SORCS2: variants seen among roughly 807,000 people sequenced by gnomAD.
SORCS2 encodes sortilin related VPS10 domain containing receptor 2.
A neutral mutation model predicts 141.6 loss-of-function variants in SORCS2; 100 were observed. That is an observed-to-expected ratio of 0.71 (90% CI 0.60 to 0.83). SORCS2 has a LOEUF of 0.83. Among genes scored for constraint, SORCS2 ranks in the 40% least tolerant of loss-of-function variants. SORCS2 has a pLI of 0.00. For missense variants in SORCS2, 1,646 were observed against 1,560.2 expected (o/e 1.05, Z -0.93); for synonymous variants, 789 against 676.9 (o/e 1.17, Z -2.57).
chr4:7,317,609 A>G (rs1048122790), intron 1 of SORCS2, among the ~76,000 whole-genome samples: 2 of 152,220 alleles, frequency 1.3e-5, no homozygotes, highest in Non-Finnish European at 2.9e-5. Context: ...CCTCTGGCTC[A>G]GTCTGCCTTC....
intron 3 of SORCS2, among the ~76,000 whole-genome samples, chr4:7,544,175 C>T (rs1208075230): frequency 6.6e-6 from 1 of 152,128 alleles, no homozygotes; most frequent in Non-Finnish European, 1.5e-5. Flanking sequence ...CATCCACTCA[C>T]CCATCCTCCA....
rs900047946 is a variant in SORCS2, at chr4:7,501,339, T to G, written c.549-30191T>G. On this transcript the variant is annotated intron_variant, in intron 2 of 26. Transcript: ENST00000507866. ...AGCTTTTTATTGTTCTTTCTTGGAGTGAAAAACAGAAGCAGCACACATCCG... is the reference window on the plus strand; with the variant it reads ...AGCTTTTTATTGTTCTTTCTTGGAGGGAAAAACAGAAGCAGCACACATCCG... Among the ~76,000 whole-genome samples, 5 of 144,188 alleles carry G rather than the reference T, an allele frequency of 3.5e-5. No homozygotes were observed. The South Asian group carries it at 8.3e-4, about 24-fold the overall frequency. 94.6% of individuals were successfully genotyped at this position (144,188 alleles called of 152,430 possible).
At chr4:7,396,135 C>A in intron 1 of SORCS2, 153 bp from the exon 2 acceptor site, 1 of 633,378 alleles carries the variant, frequency 1.6e-6, no homozygotes, top group Non-Finnish European at 2.8e-6. Flanking sequence ...GTAGGGTGGC[C>A]CAGAGCCTCT....
At chr4:7,529,733 G>A (rs928949269) in intron 2 of SORCS2, among the ~76,000 whole-genome samples, 6 of 152,214 alleles carry the variant, frequency 3.9e-5, no homozygotes, top group Admixed American at 3.3e-4. Flanking sequence ...TGGGTCTCTG[G>A]ATCAGATCGA....
At chr4:7,550,476 CA>C (rs1440857200) in intron 3 of SORCS2, among the ~76,000 whole-genome samples, 1 of 152,222 alleles carries the variant, frequency 6.6e-6, no homozygotes, top group African/African-American at 2.4e-5. Context: ...TGGTGATCGG[CA>C]GACACCAACG....
intron 10 of SORCS2, among the ~76,000 whole-genome samples, chr4:7,686,833 CTGTT>C (rs1273983602): frequency 2.6e-5 from 4 of 152,236 alleles, no homozygotes; most frequent in Admixed American, 1.3e-4. Flanking sequence ...GGGGAGCCGT[CTGTT>C]TGGCCGTCAG....
chr4:7,195,422 G>C (rs532730737), intron 1 of SORCS2, among the ~76,000 whole-genome samples: 2 of 152,120 alleles, frequency 1.3e-5, no homozygotes, highest in African/African-American at 4.8e-5. Flanking sequence ...GTGGGTGTCC[G>C]TGGGGTCAGA....
intron 1 of SORCS2, among the ~76,000 whole-genome samples, chr4:7,330,059 G>A (rs1719551109): frequency 6.6e-6 from 1 of 151,748 alleles, no homozygotes; most frequent in Non-Finnish European, 1.5e-5. Context: ...GCCTCCCCCA[G>A]CTTCTTAGGG....
intron 3 of SORCS2, among the ~76,000 whole-genome samples, chr4:7,586,182 A>AT (rs999598925): frequency 6.6e-6 from 1 of 151,854 alleles, no homozygotes; most frequent in African/African-American, 2.4e-5. Context: ...CTTTAGGGCC[A>AT]TTTTTTCCCT....
At position 7,364,520 on chromosome 4, in the gene SORCS2, A is replaced by T. The variant is rs143875007; in HGVS notation, c.481-31768A>T. ...GGGCTTCAATGGGGTGTACTCCTGA[A>T]GGAGGCCTGTTTCTGGGCAGTCTCC... On this transcript the variant is annotated intron_variant, in intron 1 of 26. Transcript: ENST00000507866. 3.2e-4 allele frequency among the ~76,000 whole-genome samples: 48 copies of T among 152,280 alleles called. 1 individual carries two copies. The highest frequency in any genetic ancestry group is 1.1e-3 in the African/African-American group (47 of 41,574).
In SORCS2 at chr4:7,703,390, C is replaced by T; in HGVS notation, c.1760+19C>T. ...TCCTCAAGTAATGGCGTCTGCTAGC[C>T]CCGGGGCAGGGAGGGCAGGCTGGGG... is the stretch of plus-strand genomic sequence containing the variant. On this transcript the variant is annotated intron_variant, in intron 13 of 26. Transcript: ENST00000507866. The T allele has an allele frequency of 6.2e-7, 1 of 1,605,494 alleles. No individual in the cohort carries two copies. Among genetic ancestry groups the T allele is most frequent in the Non-Finnish European group, 8.5e-7 (1 of 1,175,414 alleles).
chr4:7,280,228 T>C (rs576968071), intron 1 of SORCS2, among the ~76,000 whole-genome samples: 41 of 151,926 alleles, frequency 2.7e-4, no homozygotes, highest in African/African-American at 9.9e-4. Context: ...AAACAGGGAC[T>C]CAACACCCAG....
At chr4:7,471,888 C>A (rs1345564283) in intron 2 of SORCS2, among the ~76,000 whole-genome samples, 1 of 152,240 alleles carries the variant, frequency 6.6e-6, no homozygotes, top group East Asian at 1.9e-4. Context: ...ACTGCACTGG[C>A]CTAGGTCCAA....
Position 7,729,582 on chromosome 4 carries a change from C to T in SORCS2, c.2983-5C>T, listed in dbSNP as rs753445747. 1.2e-5 allele frequency: 19 copies of T among 1,577,814 alleles called. No individual in the cohort carries two copies. The highest frequency in any genetic ancestry group is 1.2e-4 in the South Asian group (10 of 85,930). On this transcript the variant is annotated splice_polypyrimidine_tract_variant and splice_region_variant and intron_variant, in intron 22 of 26. Transcript: ENST00000507866. ...CGGACCAAAGTGGCTTAACTCTCCC[C>T]GCAGGAGACCAGCGTCCCTCAGGAG...
intron 1 of SORCS2, among the ~76,000 whole-genome samples, chr4:7,369,303 T>G (rs4689107): frequency 0.62 from 93,845 of 152,030 alleles, 30,518 homozygotes; most frequent in East Asian, 0.8. Flanking sequence ...AGAGCCAGAC[T>G]CTGTCTGAAA....
At chr4:7,275,740 G>GTC (rs59365014) in intron 1 of SORCS2, among the ~76,000 whole-genome samples, 15,413 of 152,140 alleles carry the variant, frequency 0.1, 1,108 homozygotes, top group Admixed American at 0.24. Context: ...TAAGTAAACA[G>GTC]TCTGAGTAAG....
In SORCS2 at chr4:7,626,060, T is replaced by C. The variant is rs140354914; in HGVS notation, c.649-12268T>C. On this transcript the variant is annotated intron_variant, in intron 3 of 26. Coordinates refer to ENST00000507866, the MANE Select transcript of SORCS2 (RefSeq NM_020777.3). ...GACTCAGAAGGCTGAGGCGGGAGGATGGCTTAAGTCCAGGAGGCAGAGGCT... is the reference window on the plus strand; with the variant it reads ...GACTCAGAAGGCTGAGGCGGGAGGACGGCTTAAGTCCAGGAGGCAGAGGCT... Among the ~76,000 whole-genome samples the C allele has an allele frequency of 3.3e-3, 498 of 152,202 alleles. 2 individuals carry two copies. The highest frequency in any genetic ancestry group is 0.011 in the African/African-American group (474 of 41,522).
rs1435949322 is a variant in SORCS2 at position 7,283,505 on chromosome 4, G to A, written c.480+90379G>A. 3.3e-5 allele frequency among the ~76,000 whole-genome samples: 5 copies of A among 152,268 alleles called. 1 individual carries two copies. The highest frequency in any genetic ancestry group is 3.3e-4 in the Admixed American group (5 of 15,304). Reference sequence around the variant, plus strand: ...AGGGCGGGGGTCTGGAGTGATTCCAGGTTTCCCAGCTCCTGGATTCAGAGT... The same window carrying A: ...AGGGCGGGGGTCTGGAGTGATTCCAAGTTTCCCAGCTCCTGGATTCAGAGT... On this transcript the variant is annotated intron_variant, in intron 1 of 26. Coordinates refer to ENST00000507866, the MANE Select transcript of SORCS2 (RefSeq NM_020777.3).
At chr4:7,353,036 C>G (rs1721039710) in intron 1 of SORCS2, among the ~76,000 whole-genome samples, 1 of 152,128 alleles carries the variant, frequency 6.6e-6, no homozygotes, top group African/African-American at 2.4e-5. Flanking sequence ...GGCCCTGTCT[C>G]CCTGGTTCTA....
Sources: allele counts gnomAD v4.1 joint callset (sites outside exome capture counted in the v4.1 genomes callset), GRCh38; gene constraint gnomAD v4.1.1; transcripts MANE v1.5; gene names NCBI Gene and HGNC (gene_info 2026-07-23, HGNC 2026-07-21).